The following PCDHA8 variants were observed in gnomAD, a reference collection of about 807,000 sequenced individuals.
PCDHA8 encodes the protein protocadherin alpha 8, also known as protocadherin alpha-8.
In PCDHA8, 53 loss-of-function variants were observed where a neutral mutation model predicts 61.8. The ratio of observed to expected loss-of-function variants is 0.86; its 90% CI spans 0.69 to 1.08. The LOEUF (loss-of-function observed/expected upper bound fraction) is 1.08. Ranked by LOEUF, PCDHA8 falls within the 50% of genes least tolerant of loss-of-function variation. The pLI is 0.00. For missense variants in PCDHA8, 1,293 were observed against 1,245.0 expected (o/e 1.04, Z -0.58); for synonymous variants, 618 against 556.6 (o/e 1.11, Z -1.55).
At chr5:140,888,198 G>A (rs1031899783) in intron 1 of PCDHA8, among the ~76,000 whole-genome samples, 2 of 152,044 alleles carry the variant, frequency 1.3e-5, no homozygotes, top group Admixed American at 6.6e-5. Flanking sequence ...TTACATTGTC[G>A]GATGCTGGAT....
chr5:140,921,721 C>A (rs2080351320), intron 1 of PCDHA8, among the ~76,000 whole-genome samples: 2 of 152,068 alleles, frequency 1.3e-5, no homozygotes, highest in African/African-American at 4.8e-5. Context: ...ACACGAATTA[C>A]TCCCATAAAA....
chr5:140,955,641 A>G (rs173471), intron 1 of PCDHA8, among the ~76,000 whole-genome samples: 85,644 of 151,978 alleles, frequency 0.56, 24,753 homozygotes, highest in African/African-American at 0.69. Flanking sequence ...TGTGAGAACA[A>G]ATTAATACAC....
chr5:140,870,194 C>G, intron 1 of PCDHA8: 1 of 1,614,168 alleles, frequency 6.2e-7, no homozygotes, highest in Non-Finnish European at 8.5e-7. Context: ...GACGCTCAGC[C>G]CAGCACGGTC....
chr5:140,984,164 A>G (rs1471799520), intron 3 of PCDHA8, among the ~76,000 whole-genome samples: 1 of 152,208 alleles, frequency 6.6e-6, no homozygotes, highest in Non-Finnish European at 1.5e-5. Context: ...GAACTTCCCA[A>G]AGAAGCCACG....
chr5:140,960,849 A>G (rs1347970743), intron 1 of PCDHA8, among the ~76,000 whole-genome samples: 10 of 152,220 alleles, frequency 6.6e-5, no homozygotes, highest in African/African-American at 2.2e-4. Context: ...TTTAATGGCA[A>G]CTATAAGCCA....
At chr5:140,997,465 A>G (rs1427334533) in intron 3 of PCDHA8, among the ~76,000 whole-genome samples, 1 of 152,182 alleles carries the variant, frequency 6.6e-6, no homozygotes, top group Non-Finnish European at 1.5e-5. Flanking sequence ...ACTGTAGGCA[A>G]TTTTTACACA....
chr5:140,927,011 C>T, intron 1 of PCDHA8: 1 of 1,612,606 alleles, frequency 6.2e-7, no homozygotes, highest in Non-Finnish European at 8.5e-7. Context: ...GGCAATCTCT[C>T]CGCGGACTTG....
At chr5:140,872,083 C>G (rs377675529) in intron 1 of PCDHA8, among the ~76,000 whole-genome samples, 1 of 152,284 alleles carries the variant, frequency 6.6e-6, no homozygotes, top group East Asian at 1.9e-4. Context: ...TGCAGTGCCA[C>G]TGCACTTAGT....
At chr5:140,869,471 T>A in intron 1 of PCDHA8, 1 of 1,613,696 alleles carries the variant, frequency 6.2e-7, no homozygotes, top group East Asian at 2.2e-5. Context: ...AACGTGGAGG[T>A]GAAGGACATT....
At chr5:140,856,568 A>T (rs1554148862) in intron 1 of PCDHA8, 2 of 1,597,928 alleles carry the variant, frequency 1.3e-6, no homozygotes, top group Middle Eastern at 3.3e-4. Flanking sequence ...ACTCAGTCCA[A>T]ATGAGTATTT....
In PCDHA8 at chr5:140,843,004, C is replaced by G. The variant is rs782142006; in HGVS notation, c.1683C>G (p.Asn561Lys). ...TGTTCGTGCTGGACGAGAATGACAA[C>G]GCGCCGGCACTGCTGGAGCCTCGGG... ...LQVFVLDENDNAPALLEPRVG... is the reference protein window; with the variant it reads ...LQVFVLDENDKAPALLEPRVG... Residue 561 changes from asparagine (N) to lysine (K), a missense_variant, in exon 1 of 4, where the codon AAC becomes AAG. Physicochemically the swap from Asn to Lys is moderately conservative, Grantham distance 94. Transcript: ENST00000531613. The G allele has an allele frequency of 6.3e-7, 1 of 1,595,032 alleles. No individual in the cohort carries two copies. The highest frequency in any genetic ancestry group is 8.6e-7 in the Non-Finnish European group (1 of 1,165,476).
rs2150478834 is a variant in PCDHA8 at position 140,850,308 on chromosome 5, G to A, written c.2394+6593G>A. 1.9e-6 allele frequency: 3 copies of A among 1,597,160 alleles called. No individual in the cohort carries two copies. In the South Asian group the frequency reaches 3.3e-5, roughly 18 times the overall value. ...AGTGGACGCCGACTCGGGCTACAAC[G>A]CGTGGCTTTCATACGAGCTGCAGCC... On this transcript the variant is annotated intron_variant, in intron 1 of 3. Coordinates refer to ENST00000531613, the MANE Select transcript of PCDHA8 (RefSeq NM_018911.3).
intron 3 of PCDHA8, among the ~76,000 whole-genome samples, chr5:141,000,713 C>G (rs570396356): frequency 6.6e-6 from 1 of 151,652 alleles, no homozygotes; most frequent in Non-Finnish European, 1.5e-5. Context: ...CAGGCATGAG[C>G]CACTGTGCCT....
chr5:140,871,278 G>T (rs782014542), intron 1 of PCDHA8: 3 of 1,613,918 alleles, frequency 1.9e-6, no homozygotes, highest in East Asian at 4.5e-5. Flanking sequence ...GGTCGGCAAC[G>T]CCCACTGAGG....
chr5:140,870,090 G>A, intron 1 of PCDHA8: 3 of 1,613,854 alleles, frequency 1.9e-6, no homozygotes, highest in South Asian at 2.2e-5. Flanking sequence ...CTCCCCCAAT[G>A]GCAGGTCACT....
chr5:140,958,079 T>C (rs182718226), intron 1 of PCDHA8, among the ~76,000 whole-genome samples: 1 of 152,202 alleles, frequency 6.6e-6, no homozygotes, highest in East Asian at 1.9e-4. Context: ...AAGCAAAAAG[T>C]AAAGTTGTAC....
intron 1 of PCDHA8, among the ~76,000 whole-genome samples, chr5:140,959,954 A>G (rs1054998147): frequency 6.6e-6 from 1 of 152,198 alleles, no homozygotes; most frequent in East Asian, 1.9e-4. Context: ...TATCATAGGT[A>G]GGAGGTAGAT....
In PCDHA8 at chr5:140,884,360, G is replaced by A. The variant is rs782401694; in HGVS notation, c.2394+40645G>A. On this transcript the variant is annotated intron_variant, in intron 1 of 3. Coordinates refer to ENST00000531613, the MANE Select transcript of PCDHA8 (RefSeq NM_018911.3). ...AGAAGCGGCGCTGGTGGATGTCAAT[G>A]TTTACTTGATCATTGCCATCTGCGC... The A allele has an allele frequency of 3.1e-6, 5 of 1,613,852 alleles. No individual in the cohort carries two copies. The African/African-American group carries it at 4.0e-5, about 13-fold the overall frequency.
chr5:140,884,358 A>G lies in PCDHA8; in HGVS notation c.2394+40643A>G, dbSNP rs546242835. On this transcript the variant is annotated intron_variant, in intron 1 of 3. Coordinates refer to ENST00000531613, the MANE Select transcript of PCDHA8 (RefSeq NM_018911.3). Reference sequence around the variant, plus strand: ...CCAGAAGCGGCGCTGGTGGATGTCAATGTTTACTTGATCATTGCCATCTGC... The same window carrying G: ...CCAGAAGCGGCGCTGGTGGATGTCAGTGTTTACTTGATCATTGCCATCTGC... The G allele has an allele frequency of 7.8e-5, 126 of 1,613,886 alleles. 3 individuals carry two copies. The South Asian group carries it at 1.1e-3, about 14-fold the overall frequency.
Sources: gnomAD v4.1 joint callset for allele counts (sites outside exome capture counted in the v4.1 genomes callset) on GRCh38, gnomAD v4.1.1 for gene constraint, MANE v1.5 for transcripts, NCBI Gene and HGNC (gene_info 2026-07-23, HGNC 2026-07-21) for gene names.